The following MAPK4 variants were observed in gnomAD, a reference collection of about 807,000 sequenced individuals.
MAPK4 encodes mitogen-activated protein kinase 4.
In MAPK4, 22 loss-of-function variants were observed where a neutral mutation model predicts 47.7. The ratio of observed to expected loss-of-function variants is 0.46; its 90% CI spans 0.33 to 0.66. The LOEUF is 0.66. Among genes scored for constraint, MAPK4 ranks in the 30% least tolerant of loss-of-function variants. MAPK4 has a pLI of 0.02. For missense variants in MAPK4, 736 were observed against 831.7 expected, an observed-to-expected ratio of 0.88 and a Z score of 1.42; for synonymous variants, 390 against 365.7, an observed-to-expected ratio of 1.07 and a Z score of -0.76.
intron 1 of MAPK4, among the ~76,000 whole-genome samples, chr18:50,655,444 G>T (rs1318494672): frequency 6.6e-6 from 1 of 152,136 alleles, no homozygotes; most frequent in East Asian, 1.9e-4. Flanking sequence ...TGGCATCATG[G>T]GCGGCACCAT....
intron 1 of MAPK4, among the ~76,000 whole-genome samples, chr18:50,657,779 C>T (rs1040481270): frequency 4.6e-5 from 7 of 151,948 alleles, no homozygotes; most frequent in African/African-American, 1.7e-4. Context: ...AGGATAGTCC[C>T]ACTGCTAAGG....
intron 2 of MAPK4, among the ~76,000 whole-genome samples, chr18:50,701,632 G>A (rs1022734314): frequency 6.6e-6 from 1 of 152,126 alleles, no homozygotes; most frequent in African/African-American, 2.4e-5. Flanking sequence ...AGGTCCTCAT[G>A]CAAACACGGC....
At chr18:50,673,448 T>C (rs1908078844) in intron 2 of MAPK4, among the ~76,000 whole-genome samples, 1 of 152,234 alleles carries the variant, frequency 6.6e-6, no homozygotes, top group Non-Finnish European at 1.5e-5. Flanking sequence ...CTAGGGACGC[T>C]GGAGTGGAGC....
chr18:50,647,873 G>C (rs1209577800), intron 1 of MAPK4, among the ~76,000 whole-genome samples: 4 of 151,908 alleles, frequency 2.6e-5, no homozygotes, highest in African/African-American at 9.7e-5. Context: ...CACCCTTCAG[G>C]GAAGGGCACC....
Position 50,646,142 on chromosome 18 carries a change from T to C in MAPK4, c.-870-16947T>C, listed in dbSNP as rs1398401086. On this transcript the variant is annotated intron_variant, in intron 1 of 5. Coordinates refer to ENST00000400384, the MANE Select transcript of MAPK4 (RefSeq NM_002747.4). ...TCACAGCATCTGTAAGTGGCAGAGG[T>C]CAGACTTGAGCTCAGAGTTGGTGTT... is the stretch of plus-strand genomic sequence containing the variant. 2.0e-5 allele frequency among the ~76,000 whole-genome samples: 3 copies of C among 152,052 alleles called. No individual in the cohort carries two copies. In the East Asian group the frequency reaches 5.8e-4, roughly 29 times the overall value.
chr18:50,727,535 C>T (rs1002318569), intron 5 of MAPK4, among the ~76,000 whole-genome samples: 5 of 152,216 alleles, frequency 3.3e-5, no homozygotes, highest in African/African-American at 1.2e-4. Flanking sequence ...ACCCCTGGGG[C>T]AGCCCTGCCC....
intron 1 of MAPK4, among the ~76,000 whole-genome samples, chr18:50,645,001 G>T (rs551050580): frequency 2.0e-5 from 3 of 152,214 alleles, no homozygotes; most frequent in Non-Finnish European, 4.4e-5. Context: ...ATGGGATGGG[G>T]ATTTGCAGGC....
chr18:50,679,614 G>A (rs1190382148), intron 2 of MAPK4, among the ~76,000 whole-genome samples: 3 of 151,934 alleles, frequency 2.0e-5, no homozygotes, highest in Non-Finnish European at 4.4e-5. Context: ...AGACAGAGCT[G>A]GGACAAGATC....
chr18:50,571,869 T>C (rs968027418), intron 1 of MAPK4, among the ~76,000 whole-genome samples: 5 of 152,220 alleles, frequency 3.3e-5, no homozygotes, highest in African/African-American at 1.2e-4. Context: ...GTGGGCTTTT[T>C]ACCAAGTGTC....
In MAPK4 at chr18:50,729,866, C is replaced by A. The variant is rs774535101; in HGVS notation, c.*12C>A. 6.3e-7 allele frequency: 1 copy of A among 1,583,014 alleles called. No individual in the cohort carries two copies. Among genetic ancestry groups the A allele is most frequent in the Non-Finnish European group, 8.6e-7 (1 of 1,162,784 alleles). ...AAGAAAGGTGGTGAGGGCGGAGGGGCCGCTCCAGGCCCCACAGAGCAGGAG... is the reference window on the plus strand; with the variant it reads ...AAGAAAGGTGGTGAGGGCGGAGGGGACGCTCCAGGCCCCACAGAGCAGGAG... On this transcript the variant is annotated 3_prime_UTR_variant, in exon 6 of 6. Transcript: ENST00000400384.
chr18:50,694,252 C>G (rs966891407), intron 2 of MAPK4, among the ~76,000 whole-genome samples: 5 of 152,054 alleles, frequency 3.3e-5, no homozygotes, highest in African/African-American at 1.2e-4. Flanking sequence ...TGAGGACAGC[C>G]CTAGATGACT....
intron 1 of MAPK4, chr18:50,560,718 G>C (rs1392202112): frequency 3.9e-5 from 6 of 152,366 alleles, no homozygotes; most frequent in African/African-American, 1.4e-4. Flanking sequence ...TTAATACAGC[G>C]TCCTCTCCCC....
At chr18:50,651,002 G>A (rs1047993695) in intron 1 of MAPK4, among the ~76,000 whole-genome samples, 1 of 152,182 alleles carries the variant, frequency 6.6e-6, no homozygotes, top group African/African-American at 2.4e-5. Context: ...AAACAGGAGT[G>A]ACCTTGGAAG....
At chr18:50,716,248 C>A (rs536105659) in intron 3 of MAPK4, among the ~76,000 whole-genome samples, 2 of 152,160 alleles carry the variant, frequency 1.3e-5, no homozygotes, top group African/African-American at 2.4e-5. Context: ...CCCAAACTGC[C>A]GTGTTCTTAA....
At chr18:50,572,176 C>T (rs530086255) in intron 1 of MAPK4, among the ~76,000 whole-genome samples, 1 of 152,138 alleles carries the variant, frequency 6.6e-6, no homozygotes, top group Non-Finnish European at 1.5e-5. Flanking sequence ...ACCCAGCCAT[C>T]TGCTGTGTAA....
chr18:50,598,859 A>T (rs1046046867), intron 1 of MAPK4, among the ~76,000 whole-genome samples: 4 of 152,066 alleles, frequency 2.6e-5, no homozygotes, highest in Admixed American at 2.6e-4. Context: ...TCATAATTAT[A>T]TTGGGGTTAG....
intron 2 of MAPK4, among the ~76,000 whole-genome samples, chr18:50,686,310 G>T (rs1955829943): frequency 6.6e-6 from 1 of 152,130 alleles, no homozygotes; most frequent in Non-Finnish European, 1.5e-5. Context: ...CTGTTCCCTG[G>T]CAGCTATGTA....
intron 3 of MAPK4, among the ~76,000 whole-genome samples, chr18:50,721,634 T>A (rs1324052199): frequency 1.3e-5 from 2 of 152,356 alleles, no homozygotes; most frequent in East Asian, 3.9e-4. Flanking sequence ...GCCAGGCTGT[T>A]CCCATTCTTT....
At chr18:50,682,501 A>G (rs923801173) in intron 2 of MAPK4, among the ~76,000 whole-genome samples, 5 of 152,238 alleles carry the variant, frequency 3.3e-5, no homozygotes, top group African/African-American at 7.2e-5. Flanking sequence ...CAAGTGACAG[A>G]TTAATATCTT....
Sources: allele counts gnomAD v4.1 joint callset (sites outside exome capture counted in the v4.1 genomes callset), GRCh38; gene constraint gnomAD v4.1.1; transcripts MANE v1.5; gene names NCBI Gene and HGNC (gene_info 2026-07-23, HGNC 2026-07-21).